Variants in CRELD1 observed in about 807,000 individuals in gnomAD.
CRELD1 encodes the protein protein disulfide isomerase CRELD1.
Under a neutral mutation model 58.2 loss-of-function variants are expected in CRELD1, and 42 were observed. The observed-to-expected ratio is 0.72, with a 90% CI of 0.56 to 0.93. The LOEUF is 0.93. CRELD1 is among the 40% of genes least tolerant of loss of function. The pLI is 0.00. For missense variants in CRELD1, 500 were observed against 540.6 expected, an observed-to-expected ratio of 0.92 and a Z score of 0.74; for synonymous variants, 222 against 202.0, an observed-to-expected ratio of 1.10 and a Z score of -0.84.
In CRELD1 at chr3:9,942,824, T is replaced by C. The variant is rs769482156; in HGVS notation, c.745T>C (p.Cys249Arg). The change falls in exon 8 of 11, where the codon TGT becomes CGT. Residue 249 changes from cysteine (C) to arginine (R), a missense_variant. Coordinates refer to ENST00000452070, the MANE Select transcript of CRELD1 (RefSeq NM_001077415.3). ...TCACCTCTCTGCAGACATTGATGAG[T>C]GTGGCACAGAGGGAGCCAACTGTGG... ...HHLKCVDIDE[C>R]GTEGANCGAD... The C allele has an allele frequency of 6.2e-7, 1 of 1,613,854 alleles. No homozygotes were observed. The highest frequency in any genetic ancestry group is 8.5e-7 in the Non-Finnish European group (1 of 1,179,734).
At chr3:9,942,006 C>T (rs370124222) in intron 7 of CRELD1, among the ~76,000 whole-genome samples, 1 of 152,022 alleles carries the variant, frequency 6.6e-6, no homozygotes, top group Non-Finnish European at 1.5e-5. Flanking sequence ...AGCTCACTCA[C>T]GCCTCTAATC....
In CRELD1 at chr3:9,934,404, C is replaced by G; in HGVS notation, c.-19-16C>G. 6.3e-7 allele frequency: 1 copy of G among 1,594,986 alleles called. No homozygotes were observed. Among genetic ancestry groups the G allele is most frequent in the Non-Finnish European group, 8.6e-7 (1 of 1,162,814 alleles). On this transcript the variant is annotated splice_polypyrimidine_tract_variant and intron_variant, in intron 1 of 10. Coordinates refer to ENST00000452070, the MANE Select transcript of CRELD1 (RefSeq NM_001077415.3). ...TGACTCCTTCAGTGAAGCCTCTCCA[C>G]GCCCTCTATCTGCAGGTCCCCAGCC... is the stretch of plus-strand genomic sequence containing the variant.
chr3:9,939,660 G>C (rs994016422), intron 5 of CRELD1, among the ~76,000 whole-genome samples: 1 of 152,228 alleles, frequency 6.6e-6, no homozygotes, highest in African/African-American at 2.4e-5. Flanking sequence ...TAAGGTCATA[G>C]ATCAACAGGA....
chr3:9,944,686 G>A lies in CRELD1; in HGVS notation c.*107G>A. 3.6e-6 allele frequency: 4 copies of A among 1,098,772 alleles called. No individual in the cohort carries two copies. The highest frequency in any genetic ancestry group is 5.3e-6 in the Non-Finnish European group (4 of 749,022). The allele number at this position is 1,098,772 out of a possible 1,614,324, so 68.1% of individuals were successfully genotyped here. A position where few individuals can be genotyped will look rare whatever the true frequency, so the allele number is the denominator to read the frequency against. Reference sequence around the variant, plus strand: ...AGCTTGGTTTATTTTTGAGAGTGGGGTAAGCACCCCTACCTGCCTTACAGA... The same window carrying A: ...AGCTTGGTTTATTTTTGAGAGTGGGATAAGCACCCCTACCTGCCTTACAGA... On this transcript the variant is annotated 3_prime_UTR_variant, in exon 11 of 11. Coordinates refer to ENST00000452070, the MANE Select transcript of CRELD1 (RefSeq NM_001077415.3).
intron 7 of CRELD1, among the ~76,000 whole-genome samples, chr3:9,941,859 G>T (rs1559338130): frequency 1.3e-5 from 2 of 151,660 alleles, no homozygotes; most frequent in Non-Finnish European, 1.5e-5. Flanking sequence ...TGAACTTGGG[G>T]TCAGGAAACC....
chr3:9,934,220 G>A, intron 1 of CRELD1, 200 bp from the exon 2 acceptor site: 5 of 589,756 alleles, frequency 8.5e-6, no homozygotes, highest in Admixed American at 2.9e-5. Context: ...ATGCTAGCGA[G>A]GATAACTTAT....
At chr3:9,934,382 C>G in intron 1 of CRELD1, 38 bp from the exon 2 acceptor site, 1 of 1,481,426 alleles carries the variant, frequency 6.8e-7, no homozygotes, top group Non-Finnish European at 9.4e-7. Flanking sequence ...TGGGGCCTGA[C>G]TCCTTCAGTG....
At chr3:9,936,808 A>C (rs963609084) in intron 3 of CRELD1, among the ~76,000 whole-genome samples, 2 of 152,184 alleles carry the variant, frequency 1.3e-5, no homozygotes, top group African/African-American at 4.8e-5. Context: ...TGGAATCATA[A>C]AATATGTGGC....
Position 9,943,122 on chromosome 3 carries a change from G to T in CRELD1, c.863G>T (p.Arg288Leu), listed in dbSNP as rs746951044. 2 of 1,613,720 alleles carry T rather than the reference G, an allele frequency of 1.2e-6. No homozygotes were observed. The highest frequency in any genetic ancestry group is 8.5e-7 in the Non-Finnish European group (1 of 1,180,000). Residue 288 changes from arginine to leucine, a missense_variant, in exon 9 of 11, where the codon CGC becomes CTC. Physicochemically the swap from Arg to Leu is moderately radical, Grantham distance 102. Coordinates refer to ENST00000452070, the MANE Select transcript of CRELD1 (RefSeq NM_001077415.3). ...GGCTGCATGGGGGCAGGGCCAGGTC[G>T]CTGTAAGAAGTGTAGCCCTGGCTAT... ...CLGCMGAGPG[R>L]CKKCSPGYQQ...
intron 3 of CRELD1, among the ~76,000 whole-genome samples, chr3:9,936,856 T>C (rs933411233): frequency 1.3e-5 from 2 of 152,232 alleles, no homozygotes; most frequent in Non-Finnish European, 2.9e-5. Flanking sequence ...CATAATGTTT[T>C]CAAGGTTCAC....
chr3:9,934,574 T>A lies in CRELD1; in HGVS notation c.136T>A (p.Cys46Ser). The change falls in exon 2 of 11, where the codon TGT becomes AGT. Residue 46 changes from cysteine to serine, a missense_variant. By Grantham distance (112) the Cys-to-Ser change is moderately radical. Coordinates refer to ENST00000452070, the MANE Select transcript of CRELD1 (RefSeq NM_001077415.3). Reference sequence around the variant, plus strand: ...TTCTCCCCCGCCTCAGCCCCATCCGTGTCATACCTGCCGGGGACTGGTTGA... The same window carrying A: ...TTCTCCCCCGCCTCAGCCCCATCCGAGTCATACCTGCCGGGGACTGGTTGA... ...QSSPPPQPHP[C>S]HTCRGLVDSF... 1 of 1,614,044 alleles carries A rather than the reference T, an allele frequency of 6.2e-7. No individual in the cohort carries two copies. The highest frequency in any genetic ancestry group is 8.5e-7 in the Non-Finnish European group (1 of 1,179,956).
At chr3:9,939,261 G>A (rs1176961271) in intron 5 of CRELD1, among the ~76,000 whole-genome samples, 2 of 152,134 alleles carry the variant, frequency 1.3e-5, no homozygotes, top group African/African-American at 4.8e-5. Flanking sequence ...AAAATATTAT[G>A]TCATTAAAAT....
intron 3 of CRELD1, among the ~76,000 whole-genome samples, chr3:9,937,277 AGGAACT>A (rs1343469698): frequency 5.9e-5 from 9 of 152,218 alleles, no homozygotes; most frequent in African/African-American, 9.7e-5. Flanking sequence ...GCTCAGATGC[AGGAACT>A]GATGTATGTT....
chr3:9,936,569 G>A (rs200086601), intron 3 of CRELD1, among the ~76,000 whole-genome samples: 2 of 146,840 alleles, frequency 1.4e-5, no homozygotes, highest in Non-Finnish European at 3.0e-5. Flanking sequence ...ATATATATAT[G>A]TATATATTTG....
chr3:9,936,525 GTATA>G (rs567131321), intron 3 of CRELD1, among the ~76,000 whole-genome samples: 7 of 139,814 alleles, frequency 5.0e-5, no homozygotes, highest in African/African-American at 1.3e-4. Flanking sequence ...ATATGTCTGC[GTATA>G]TATATGTGCG....
intron 3 of CRELD1, chr3:9,935,783 A>AG (rs1457923172): frequency 6.6e-6 from 1 of 151,774 alleles, no homozygotes; most frequent in Non-Finnish European, 1.5e-5. Flanking sequence ...GAGAAGGTTT[A>AG]GGGGAGGGGT....
intron 7 of CRELD1, 22 bp from the exon 8 acceptor site, chr3:9,942,791 C>T: frequency 2.5e-6 from 4 of 1,602,292 alleles, no homozygotes; most frequent in Non-Finnish European, 3.4e-6. Context: ...TTGAAATTCT[C>T]ACCCTGCTCA....
Position 9,942,853 on chromosome 3 carries a change from T to C in CRELD1, c.774T>C (p.Ala258=). The change falls in exon 8 of 11, where the codon GCT becomes GCC. Residue 258 remains alanine, a synonymous_variant. Transcript: ENST00000452070. ...ECGTEGANCG[A]DQFCVNTEGS... is the part of the protein sequence containing the mutation. Reference sequence around the variant, plus strand: ...GCACAGAGGGAGCCAACTGTGGAGCTGACCAATTCTGCGTGAACACTGAGG... The same window carrying C: ...GCACAGAGGGAGCCAACTGTGGAGCCGACCAATTCTGCGTGAACACTGAGG... 6 of 1,614,204 alleles carry C rather than the reference T, an allele frequency of 3.7e-6. No homozygotes were observed. Among genetic ancestry groups the C allele is most frequent in the Non-Finnish European group, 5.1e-6 (6 of 1,180,014 alleles).
chr3:9,934,795 C>T, intron 2 of CRELD1, 40 bp from the exon 3 acceptor site: 1 of 1,578,314 alleles, frequency 6.3e-7, no homozygotes, highest in South Asian at 1.1e-5. Context: ...TAGCATGTGC[C>T]AGGCACTGTA....
Sources: allele counts gnomAD v4.1 joint callset (sites outside exome capture counted in the v4.1 genomes callset), GRCh38; gene constraint gnomAD v4.1.1; transcripts MANE v1.5; gene names NCBI Gene and HGNC (gene_info 2026-07-23, HGNC 2026-07-21).